The following NDUFB4 variants were observed in gnomAD, a reference collection of about 807,000 sequenced individuals.
NDUFB4 encodes the protein NADH:ubiquinone oxidoreductase subunit B4.
A neutral mutation model predicts 14.5 loss-of-function variants in NDUFB4; 10 were observed. That is an observed-to-expected ratio of 0.69 (90% CI 0.43 to 1.17). NDUFB4 has a LOEUF of 1.17. Ranked by LOEUF, NDUFB4 falls within the 50% of genes most tolerant of loss-of-function variation. The pLI, the probability that NDUFB4 is intolerant of heterozygous loss-of-function variation, is 0.00. For synonymous variants in NDUFB4, 65 were observed against 63.4 expected (o/e 1.03, Z -0.12); for missense variants, 165 against 161.1 (o/e 1.02, Z -0.13).
At chr3:120,601,533 G>A (rs1011445134) in intron 2 of NDUFB4, 32 of 1,278,008 alleles carry the variant, frequency 2.5e-5, no homozygotes, top group Non-Finnish European at 3.2e-5. Flanking sequence ...AAATCATTTA[G>A]TACGTTTCCT....
At chr3:120,600,975 A>T in intron 1 of NDUFB4, 136 bp from the exon 2 acceptor site, 1 of 684,848 alleles carries the variant, frequency 1.5e-6, no homozygotes, top group Non-Finnish European at 2.5e-6. Context: ...GAAGCTGTTT[A>T]GGAATATTCA....
At chr3:120,601,431 A>G (rs1940058661) in intron 2 of NDUFB4, 174 bp downstream of exon 2, 20 of 1,445,950 alleles carry the variant, frequency 1.4e-5, no homozygotes, top group Non-Finnish European at 1.7e-5. Flanking sequence ...GAGTTAAAAC[A>G]GAAAGTTTTC....
intron 1 of NDUFB4, among the ~76,000 whole-genome samples, chr3:120,599,595 G>A (rs900913010): frequency 7.2e-5 from 11 of 152,082 alleles, no homozygotes; most frequent in African/African-American, 2.7e-4. Flanking sequence ...GAGTGCACTG[G>A]ACTTTTAGTG....
Position 120,602,236 on chromosome 3 carries a change from G to C in NDUFB4, c.356G>C (p.Gly119Ala), listed in dbSNP as rs1164692055. 1.2e-6 allele frequency: 2 copies of C among 1,611,024 alleles called. No individual in the cohort carries two copies. The highest frequency in any genetic ancestry group is 1.7e-6 in the Non-Finnish European group (2 of 1,179,596). Residue 119 changes from glycine to alanine, a missense_variant, in exon 3 of 3, where the codon GGA becomes GCA. By Grantham distance (60) the Gly-to-Ala change is moderately conservative. Transcript: ENST00000184266. ...AGGAAAGAAAAACTTATCCAGGAAG[G>C]AAAATTGGATCGAACATTTCACCTC... ...RDRKEKLIQE[G>A]KLDRTFHLSY
intron 1 of NDUFB4, 35 bp downstream of exon 1, chr3:120,596,574 C>T (rs1939959966): frequency 6.2e-7 from 1 of 1,603,854 alleles, no homozygotes; most frequent in African/African-American, 1.3e-5. Context: ...GAATAGGGCC[C>T]GAGTCCTGGG....
At chr3:120,600,111 T>G in intron 1 of NDUFB4, among the ~76,000 whole-genome samples, 1 of 142,812 alleles carries the variant, frequency 7.0e-6, no homozygotes, top group Non-Finnish European at 1.5e-5. Flanking sequence ...ATCATAAGGT[T>G]TTTTTTTTTG....
At chr3:120,597,662 G>T (rs1005910539) in intron 1 of NDUFB4, among the ~76,000 whole-genome samples, 1 of 152,310 alleles carries the variant, frequency 6.6e-6, no homozygotes, top group Non-Finnish European at 1.5e-5. Context: ...GGACAAGTAG[G>T]TCATACAGAG....
rs749905815 is a variant in NDUFB4, at chr3:120,596,428, C to T, written c.69C>T (p.Tyr23=). Residue 23 remains tyrosine, a synonymous_variant, in exon 1 of 3, where the codon TAC becomes TAT. Coordinates refer to ENST00000184266, the MANE Select transcript of NDUFB4 (RefSeq NM_004547.6). ...TLPETLDPAE[Y]NISPETRRAQ... is the part of the protein sequence containing the mutation. ...CTGAGACCCTCGACCCAGCCGAATACAACATATCTCCGGAAACCCGGCGGG... is the reference window on the plus strand; with the variant it reads ...CTGAGACCCTCGACCCAGCCGAATATAACATATCTCCGGAAACCCGGCGGG... 3.7e-6 allele frequency: 6 copies of T among 1,614,184 alleles called. No homozygotes were observed. The highest frequency in any genetic ancestry group is 5.1e-6 in the Non-Finnish European group (6 of 1,180,026).
chr3:120,602,211 A>G lies in NDUFB4; in HGVS notation c.331A>G (p.Arg111Gly), dbSNP rs773279219. 3.2e-5 allele frequency: 52 copies of G among 1,611,010 alleles called. No homozygotes were observed. Among genetic ancestry groups the G allele is most frequent in the Non-Finnish European group, 4.2e-5 (50 of 1,179,604 alleles). Residue 111 changes from arginine to glycine, a missense_variant, in exon 3 of 3, where the codon AGG becomes GGG. Transcript: ENST00000184266. ...IYYIIKTERD[R>G]KEKLIQEGKL... ...TACTTTTTTTCTGTCTTTACAGGAT[A>G]GGAAAGAAAAACTTATCCAGGAAGG...
chr3:120,596,407 G>A lies in NDUFB4; in HGVS notation c.48G>A (p.Glu16=). ...YKPSSLRTLP[E]TLDPAEYNIS... ...CGTCGAGCCTGCGCACTCTGCCTGA[G>A]ACCCTCGACCCAGCCGAATACAACA... Residue 16 remains glutamate, a synonymous_variant, in exon 1 of 3, where the codon GAG becomes GAA. Transcript: ENST00000184266. 1.2e-6 allele frequency: 2 copies of A among 1,614,184 alleles called. No homozygotes were observed. Among genetic ancestry groups the A allele is most frequent in the Non-Finnish European group, 1.7e-6 (2 of 1,180,030 alleles).
chr3:120,599,812 A>C (rs565139419), intron 1 of NDUFB4, among the ~76,000 whole-genome samples: 6 of 152,268 alleles, frequency 3.9e-5, no homozygotes, highest in African/African-American at 1.4e-4. Flanking sequence ...ATTCAGATAC[A>C]TTTATAGTAG....
At chr3:120,596,646 G>A (rs1175159137) in intron 1 of NDUFB4, 107 bp downstream of exon 1, 1 of 1,289,166 alleles carries the variant, frequency 7.8e-7, no homozygotes, top group Non-Finnish European at 1.1e-6. Context: ...CTCAGACGCA[G>A]GTCCTCTTCC....
In NDUFB4 at chr3:120,596,386, G is replaced by C. The variant is rs911718219; in HGVS notation, c.27G>C (p.Ser9=). MSFPKYKP[S]SLRTLPETLD... is the part of the protein sequence containing the mutation. ...TGTCGTTCCCAAAGTATAAGCCGTCGAGCCTGCGCACTCTGCCTGAGACCC... is the reference window on the plus strand; with the variant it reads ...TGTCGTTCCCAAAGTATAAGCCGTCCAGCCTGCGCACTCTGCCTGAGACCC... The change falls in exon 1 of 3, where the codon TCG becomes TCC. Residue 9 remains serine, a synonymous_variant. Coordinates refer to ENST00000184266, the MANE Select transcript of NDUFB4 (RefSeq NM_004547.6). 1.9e-6 allele frequency: 3 copies of C among 1,614,154 alleles called. No homozygotes were observed. Among genetic ancestry groups the C allele is most frequent in the Non-Finnish European group, 1.7e-6 (2 of 1,180,018 alleles).
intron 1 of NDUFB4, among the ~76,000 whole-genome samples, chr3:120,596,963 A>G (rs1000043059): frequency 4.2e-5 from 6 of 142,760 alleles, no homozygotes; most frequent in South Asian, 4.3e-4. Flanking sequence ...TATATATTAT[A>G]TTATATATAT....
At chr3:120,602,073 A>AT in intron 2 of NDUFB4, 135 bp from the exon 3 acceptor site, 1 of 1,478,642 alleles carries the variant, frequency 6.8e-7, no homozygotes, top group East Asian at 2.5e-5. Context: ...GGAGTGTTTC[A>AT]TTCTGTTTGT....
intron 1 of NDUFB4, among the ~76,000 whole-genome samples, chr3:120,598,796 A>G (rs1175255289): frequency 6.6e-6 from 1 of 152,172 alleles, no homozygotes; most frequent in Non-Finnish European, 1.5e-5. Flanking sequence ...TGGAGAGACC[A>G]TTGTGACTAA....
At chr3:120,601,526 T>A (rs1940063328) in intron 2 of NDUFB4, 1 of 1,306,732 alleles carries the variant, frequency 7.7e-7, no homozygotes, top group Non-Finnish European at 9.7e-7. Context: ...AATACATAAA[T>A]CATTTAGTAC....
chr3:120,601,527 C>A (rs1056677590), intron 2 of NDUFB4: 2 of 1,293,632 alleles, frequency 1.5e-6, no homozygotes, highest in Non-Finnish European at 2.0e-6. Context: ...ATACATAAAT[C>A]ATTTAGTACG....
At chr3:120,601,290 G>A (rs1487268540) in intron 2 of NDUFB4, 33 bp downstream of exon 2, 8 of 1,611,142 alleles carry the variant, frequency 5.0e-6, no homozygotes, top group Non-Finnish European at 6.8e-6. Context: ...TAGTATTTGA[G>A]TGATAGGTTC....
Sources: gnomAD v4.1 joint callset for allele counts (sites outside exome capture counted in the v4.1 genomes callset) on GRCh38, gnomAD v4.1.1 for gene constraint, MANE v1.5 for transcripts, NCBI Gene and HGNC (gene_info 2026-07-23, HGNC 2026-07-21) for gene names.